The following FRAS1 variants were observed in gnomAD, a reference collection of about 807,000 sequenced individuals.
FRAS1 encodes the protein extracellular matrix organizing protein FRAS1.
A neutral mutation model predicts 435.2 loss-of-function variants in FRAS1; 290 were observed. That is an observed-to-expected ratio of 0.67 (90% CI 0.61 to 0.73). FRAS1 has a LOEUF of 0.73. Ranked by LOEUF, FRAS1 falls within the 30% of genes least tolerant of loss-of-function variation. The probability of loss-of-function intolerance (pLI) is 0.00; values close to 1 mark genes in which losing one functional copy is unlikely to be tolerated. For synonymous variants in FRAS1, 1,800 were observed against 1,851.0 expected, an observed-to-expected ratio of 0.97 and a Z score of 0.71; for missense variants, 4,860 against 5,001.5, an observed-to-expected ratio of 0.97 and a Z score of 0.85.
At chr4:78,172,670 A>T (rs998976454) in intron 2 of FRAS1, among the ~76,000 whole-genome samples, 32 of 152,118 alleles carry the variant, frequency 2.1e-4, no homozygotes, top group African/African-American at 7.0e-4. Context: ...TTTTTAGTGC[A>T]TGAATAAATT....
chr4:78,499,277 A>T (rs1044496108), intron 60 of FRAS1, among the ~76,000 whole-genome samples: 1 of 152,212 alleles, frequency 6.6e-6, no homozygotes, highest in African/African-American at 2.4e-5. Flanking sequence ...AGTAGTATAT[A>T]AATGAGATAA....
chr4:78,363,529 C>T lies in FRAS1; in HGVS notation c.2439C>T (p.Cys813=), dbSNP rs1354320628. 2 of 1,612,756 alleles carry T rather than the reference C, an allele frequency of 1.2e-6. No individual in the cohort carries two copies. The highest frequency in any genetic ancestry group is 1.7e-6 in the Non-Finnish European group (2 of 1,179,376). The part of the protein sequence containing the change: ...VGYCADCHHL[C]QHCAADLHNT... ...CCCCTCCAGACTGCCATCACCTGTG[C>T]CAGCACTGTGCAGCTGATCTCCACA... is the stretch of plus-strand genomic sequence containing the variant. The change falls in exon 21 of 74, where the codon TGC becomes TGT. Residue 813 remains cysteine (C), a synonymous_variant. Transcript: ENST00000512123.
chr4:78,534,780 C>G (rs1463017208), intron 71 of FRAS1, among the ~76,000 whole-genome samples, 165 bp downstream of exon 71: 1 of 152,132 alleles, frequency 6.6e-6, no homozygotes, highest in Non-Finnish European at 1.5e-5. Context: ...AGGTACAGGC[C>G]CATTTCATGC....
intron 65 of FRAS1, among the ~76,000 whole-genome samples, chr4:78,514,766 A>G (rs1721151827): frequency 6.6e-6 from 1 of 152,140 alleles, no homozygotes; most frequent in Admixed American, 6.5e-5. Context: ...TGCTTTTAGT[A>G]CTATAAAAAT....
At position 78,322,243 on chromosome 4, in the gene FRAS1, A is replaced by G. The variant is rs528466343; in HGVS notation, c.2137+3257A>G. Among the ~76,000 whole-genome samples the G allele has an allele frequency of 5.9e-5, 9 of 152,258 alleles. No homozygotes were observed. The South Asian group carries it at 1.7e-3, about 28-fold the overall frequency. On this transcript the variant is annotated intron_variant, in intron 18 of 73. Transcript: ENST00000512123. ...CTTCCCATAATCTGTTCCGTTTTCAATTCTGCTGAAGTGCTGTCTATGAAT... is the reference window on the plus strand; with the variant it reads ...CTTCCCATAATCTGTTCCGTTTTCAGTTCTGCTGAAGTGCTGTCTATGAAT...
chr4:78,070,440 T>G (rs1291861372), intron 2 of FRAS1: 2 of 152,162 alleles, frequency 1.3e-5, no homozygotes, highest in Non-Finnish European at 1.5e-5. Context: ...CTTCTGTAAC[T>G]TTCTCTTCTT....
At chr4:78,320,947 G>A (rs1022340197) in intron 18 of FRAS1, among the ~76,000 whole-genome samples, 1 of 152,140 alleles carries the variant, frequency 6.6e-6, no homozygotes, top group Non-Finnish European at 1.5e-5. Flanking sequence ...TTTCCCATTG[G>A]TACAGTGCTC....
At chr4:78,447,525 C>T (rs1417056923) in intron 43 of FRAS1, among the ~76,000 whole-genome samples, 140 of 152,028 alleles carry the variant, frequency 9.2e-4, no homozygotes, top group Non-Finnish European at 2.6e-4. Context: ...TAGCTGGCTT[C>T]CATTCACTTT....
At chr4:78,371,216 A>T (rs1731493724) in intron 23 of FRAS1, among the ~76,000 whole-genome samples, 1 of 150,330 alleles carries the variant, frequency 6.7e-6, no homozygotes, top group Admixed American at 6.7e-5. Context: ...GCTCTGTTTT[A>T]GTCATTTTCC....
intron 20 of FRAS1, among the ~76,000 whole-genome samples, chr4:78,356,574 C>T (rs529598413): frequency 6.6e-6 from 1 of 152,226 alleles, no homozygotes; most frequent in East Asian, 1.9e-4. Context: ...TCTTAATATG[C>T]CTACTCCAGC....
At chr4:78,181,804 C>T in intron 2 of FRAS1, 3 of 1,612,094 alleles carry the variant, frequency 1.9e-6, no homozygotes, top group East Asian at 2.2e-5. Context: ...TGCGGGGCAG[C>T]GGGTTCTTGC....
intron 20 of FRAS1, among the ~76,000 whole-genome samples, chr4:78,341,152 G>C (rs1730382001): frequency 6.6e-6 from 1 of 152,198 alleles, no homozygotes; most frequent in Non-Finnish European, 1.5e-5. Context: ...AAGCTTTCCG[G>C]AGGATGTCAC....
intron 2 of FRAS1, among the ~76,000 whole-genome samples, chr4:78,203,711 C>T (rs960607032): frequency 2.3e-4 from 35 of 152,206 alleles, no homozygotes; most frequent in African/African-American, 6.7e-4. Flanking sequence ...GGATTACAGG[C>T]GGCTGCCACC....
intron 9 of FRAS1, among the ~76,000 whole-genome samples, chr4:78,276,188 A>T (rs1185459883): frequency 6.6e-6 from 1 of 152,126 alleles, no homozygotes; most frequent in Non-Finnish European, 1.5e-5. Context: ...GGACTTCTCT[A>T]CACTGGTTGT....
chr4:78,356,174 T>G (rs1241059690), intron 20 of FRAS1, among the ~76,000 whole-genome samples: 1 of 152,144 alleles, frequency 6.6e-6, no homozygotes, highest in East Asian at 1.9e-4. Flanking sequence ...CTTTATTATC[T>G]CCAATTGTAA....
rs567378951 is a variant in FRAS1, at chr4:78,064,941, T to C, written c.77-1044T>C. Among the ~76,000 whole-genome samples the C allele has an allele frequency of 2.0e-5, 3 of 151,422 alleles. No homozygotes were observed. In the South Asian group the frequency reaches 6.3e-4, roughly 32 times the overall value. ...TTTGCAGACTCAGTTTCTGAGAGAG[T>C]AGGTGACAGCACACTGCCCATCTCT... is the stretch of plus-strand genomic sequence containing the variant. On this transcript the variant is annotated intron_variant, in intron 1 of 73. Transcript: ENST00000512123.
intron 38 of FRAS1, among the ~76,000 whole-genome samples, chr4:78,436,819 AAAC>A (rs1273961708): frequency 3.9e-5 from 6 of 152,226 alleles, no homozygotes; most frequent in Non-Finnish European, 7.3e-5. Flanking sequence ...AGAAAATAAG[AAAC>A]AAGATTTAGG....
chr4:78,503,075 G>A (rs60160173), intron 61 of FRAS1, among the ~76,000 whole-genome samples: 60 of 152,248 alleles, frequency 3.9e-4, no homozygotes, highest in African/African-American at 5.8e-4. Flanking sequence ...CAACATGATC[G>A]TGGTGGATAA....
At chr4:78,299,309 G>T (rs1335701096) in intron 14 of FRAS1, among the ~76,000 whole-genome samples, 1 of 152,128 alleles carries the variant, frequency 6.6e-6, no homozygotes, top group African/African-American at 2.4e-5. Flanking sequence ...GTCCTGATTG[G>T]TAACACCGAG....
Sources: allele counts gnomAD v4.1 joint callset (sites outside exome capture counted in the v4.1 genomes callset), GRCh38; gene constraint gnomAD v4.1.1; transcripts MANE v1.5; gene names NCBI Gene and HGNC (gene_info 2026-07-23, HGNC 2026-07-21).